FSD1L: variants seen among roughly 807,000 people sequenced by gnomAD.
FSD1L encodes FSD1-like protein.
FSD1L carries 45 observed loss-of-function variants against 71.6 expected under a neutral mutation model. The observed-to-expected ratio is 0.63, with a 90% confidence interval of 0.49 to 0.81. FSD1L has a LOEUF of 0.81. Among genes scored for constraint, FSD1L ranks in the 30% least tolerant of loss-of-function variants. FSD1L has a pLI of 0.00. For missense variants in FSD1L, 561 were observed against 618.1 expected (o/e 0.91, Z 0.98); for synonymous variants, 197 against 207.2 (o/e 0.95, Z 0.42).
chr9:105,455,927 T>A (rs1830330803), intron 1 of FSD1L, among the ~76,000 whole-genome samples: 1 of 152,218 alleles, frequency 6.6e-6, no homozygotes, highest in Admixed American at 6.5e-5. Flanking sequence ...GTATCTTGAT[T>A]TTTTGGAATA....
chr9:105,476,604 T>C (rs1447109560), intron 5 of FSD1L, among the ~76,000 whole-genome samples: 5 of 152,194 alleles, frequency 3.3e-5, no homozygotes, highest in African/African-American at 7.2e-5. Context: ...CCAAGAAGCT[T>C]AGTTATATTA....
At chr9:105,521,471 T>C in intron 10 of FSD1L, 1 of 1,613,744 alleles carries the variant, frequency 6.2e-7, no homozygotes, top group South Asian at 1.1e-5. Context: ...CTAAAAGGAG[T>C]AATGTAAACT....
At position 105,452,661 on chromosome 9, in the gene FSD1L, G is replaced by GCCTTCCTC. The variant is rs1442328790; in HGVS notation, c.15+4429_15+4430insTCCTCCCT. ...TGCCTGCCTGCCTGCCTGCCTGCCT[G>GCCTTCCTC]CCTGCCTGCCTTCCTTCCTTCCTTC... On this transcript the variant is annotated intron_variant, in intron 1 of 13. Transcript: ENST00000481272. 3.0e-3 allele frequency among the ~76,000 whole-genome samples: 288 copies of GCCTTCCTC among 95,298 alleles called. 1 individual carries two copies. The highest frequency in any genetic ancestry group is 4.8e-3 in the Non-Finnish European group (203 of 42,282). The allele number at this position is 95,298 out of a possible 152,430, so 62.5% of individuals were successfully genotyped here. A position where few individuals can be genotyped will look rare whatever the true frequency, so the allele number is the denominator to read the frequency against.
chr9:105,491,049 A>G (rs142063998), intron 7 of FSD1L, among the ~76,000 whole-genome samples: 2,203 of 152,130 alleles, frequency 0.014, 50 homozygotes, highest in African/African-American at 0.05. Flanking sequence ...GAAGAAAGTC[A>G]TTGGTAGCTT....
chr9:105,463,529 T>C (rs1210971054), intron 2 of FSD1L, among the ~76,000 whole-genome samples: 5 of 152,364 alleles, frequency 3.3e-5, no homozygotes, highest in African/African-American at 1.2e-4. Flanking sequence ...TCTAGTCACA[T>C]TTCAAGACTT....
At chr9:105,457,681 C>G (rs767402718) in intron 1 of FSD1L, among the ~76,000 whole-genome samples, 3 of 152,250 alleles carry the variant, frequency 2.0e-5, no homozygotes, top group African/African-American at 4.8e-5. Context: ...GTTCTGCCCA[C>G]TTGGCCTGGC....
chr9:105,491,762 G>T (rs1832956961), intron 7 of FSD1L, among the ~76,000 whole-genome samples: 1 of 152,090 alleles, frequency 6.6e-6, no homozygotes, highest in Non-Finnish European at 1.5e-5. Flanking sequence ...ATAATCATGT[G>T]GTTTTTGTCT....
At chr9:105,494,882 C>T (rs980165473) in intron 7 of FSD1L, among the ~76,000 whole-genome samples, 5 of 152,070 alleles carry the variant, frequency 3.3e-5, no homozygotes, top group African/African-American at 4.8e-5. Flanking sequence ...GAGGAGTACC[C>T]GGCCGTGTGA....
intron 7 of FSD1L, among the ~76,000 whole-genome samples, chr9:105,486,009 A>AAACTTTTTCCT (rs1213527579): frequency 6.8e-6 from 1 of 147,620 alleles, no homozygotes; most frequent in Non-Finnish European, 1.5e-5. Flanking sequence ...CCTTGAATAT[A>AAACTTTTTCCT]TGGTCAGTGA....
At position 105,488,711 on chromosome 9, in the gene FSD1L, A is replaced by G. The variant is rs552524528; in HGVS notation, c.586+4209A>G. On this transcript the variant is annotated intron_variant, in intron 7 of 13. Transcript: ENST00000481272. ...TATTTTATTGTTTTTTAAAATTTCA[A>G]TTTCCCTAATGACATATTATGTGAA... Among the ~76,000 whole-genome samples the G allele has an allele frequency of 8.2e-4, 125 of 151,768 alleles. 1 individual carries two copies. The highest frequency in any genetic ancestry group is 2.8e-3 in the African/African-American group (114 of 41,414).
At chr9:105,497,359 AG>A (rs1281539853) in intron 7 of FSD1L, among the ~76,000 whole-genome samples, 1 of 152,178 alleles carries the variant, frequency 6.6e-6, no homozygotes, top group African/African-American at 2.4e-5. Flanking sequence ...TTTTGGTATT[AG>A]GGTAATGCTG....
chr9:105,528,889 A>G (rs1169585577), intron 10 of FSD1L, among the ~76,000 whole-genome samples: 1 of 152,234 alleles, frequency 6.6e-6, no homozygotes, highest in African/African-American at 2.4e-5. Context: ...CCATCTGACA[A>G]AGGGCTAATA....
At chr9:105,490,348 A>G (rs180990675) in intron 7 of FSD1L, among the ~76,000 whole-genome samples, 108,964 of 151,648 alleles carry the variant, frequency 0.72, 40,023 homozygotes, top group African/African-American at 0.88. Flanking sequence ...TTTTTGATGG[A>G]GTTGTTTGTT....
chr9:105,539,384 CAT>C, intron 13 of FSD1L, 33 bp downstream of exon 13: 1 of 942,994 alleles, frequency 1.1e-6, no homozygotes, highest in Non-Finnish European at 1.5e-6. Flanking sequence ...ATATACCTAA[CAT>C]ATTTTACTTG....
rs1166449916 is a variant in FSD1L, at chr9:105,452,669, GCCTTCCTT to G, written c.15+4476_15+4483del. On this transcript the variant is annotated intron_variant, in intron 1 of 13. Coordinates refer to ENST00000481272, the MANE Select transcript of FSD1L (RefSeq NM_001145313.3). ...TGCCTGCCTGCCTGCCTGCCTGCCT[GCCTTCCTT>G]CCTTCCTTCCTTCCTTCCTTCCTTC... Among the ~76,000 whole-genome samples, 371 of 96,222 alleles carry G rather than the reference GCCTTCCTT, an allele frequency of 3.9e-3. 1 individual carries two copies. The highest frequency in any genetic ancestry group is 7.5e-3 in the South Asian group (19 of 2,550). 63.1% of individuals were successfully genotyped at this position (96,222 alleles called of 152,430 possible).
At chr9:105,518,815 G>A (rs1050540284) in intron 10 of FSD1L, among the ~76,000 whole-genome samples, 6 of 152,098 alleles carry the variant, frequency 3.9e-5, no homozygotes, top group Non-Finnish European at 8.8e-5. Context: ...TAAGATCAGA[G>A]CAGAACTGAA....
At position 105,471,936 on chromosome 9, in the gene FSD1L, G is replaced by A; in HGVS notation, c.372G>A (p.Glu124=). The change falls in exon 5 of 14, where the codon GAG becomes GAA. Residue 124 remains glutamate, a synonymous_variant. Coordinates refer to ENST00000481272, the MANE Select transcript of FSD1L (RefSeq NM_001145313.3). ...TTAGTCAATGTAATAATGCCCTGGA[G>A]AACTCTGAAGAACTATTAGAATTTG... The part of the protein sequence containing the change: ...SQISQCNNAL[E]NSEELLEFAT... 7.2e-7 allele frequency: 1 copy of A among 1,397,044 alleles called. No homozygotes were observed. The highest frequency in any genetic ancestry group is 9.3e-7 in the Non-Finnish European group (1 of 1,070,796). The allele number at this position is 1,397,044 out of a possible 1,614,324, so 86.5% of individuals were successfully genotyped here.
At chr9:105,466,724 C>G (rs1222185307) in intron 3 of FSD1L, among the ~76,000 whole-genome samples, 1 of 151,726 alleles carries the variant, frequency 6.6e-6, no homozygotes, top group African/African-American at 2.4e-5. Flanking sequence ...TTTTAGCTAT[C>G]TTGAACTATT....
At chr9:105,467,414 C>T (rs1831156038) in intron 3 of FSD1L, among the ~76,000 whole-genome samples, 2 of 152,228 alleles carry the variant, frequency 1.3e-5, no homozygotes, top group East Asian at 3.9e-4. Context: ...TATTGCTTAT[C>T]TAGGGATTTT....
Sources: gnomAD v4.1 joint callset for allele counts (sites outside exome capture counted in the v4.1 genomes callset) on GRCh38, gnomAD v4.1.1 for gene constraint, MANE v1.5 for transcripts, NCBI Gene and HGNC (gene_info 2026-07-23, HGNC 2026-07-21) for gene names.